Variants in BPNT1 observed in about 807,000 individuals in gnomAD.
BPNT1 encodes the protein 3'(2'),5'-bisphosphate nucleotidase 1.
BPNT1 carries 28 observed loss-of-function variants against 36.9 expected under a neutral mutation model. The ratio of observed to expected loss-of-function variants is 0.76; its 90% CI spans 0.56 to 1.04. BPNT1 has a LOEUF of 1.04. Among genes scored for constraint, BPNT1 ranks in the 50% least tolerant of loss-of-function variants. The pLI is 0.00. For synonymous variants in BPNT1, 119 were observed against 130.9 expected (o/e 0.91, Z 0.62); for missense variants, 313 against 372.9 (o/e 0.84, Z 1.32).
intron 7 of BPNT1, among the ~76,000 whole-genome samples, chr1:220,062,250 G>C (rs899510362): frequency 3.4e-5 from 5 of 148,766 alleles, no homozygotes; most frequent in African/African-American, 1.2e-4. Context: ...CCATTAACTC[G>C]TCATCTAGCA....
intron 1 of BPNT1, among the ~76,000 whole-genome samples, chr1:220,082,085 T>TATATATATATAGAGAGAGAG (rs1171093697): frequency 5.8e-5 from 6 of 103,296 alleles, no homozygotes; most frequent in African/African-American, 2.3e-4. Context: ...TATATATATA[T>TATATATATATAGAGAGAGAG]AGAGAGAGAG....
chr1:220,082,123 GTA>G (rs771087138), intron 1 of BPNT1, among the ~76,000 whole-genome samples: 256 of 134,490 alleles, frequency 1.9e-3, no homozygotes, highest in African/African-American at 6.3e-3. Flanking sequence ...GAGAGAGAGT[GTA>G]TATATATATA....
chr1:220,089,101 G>GAAAAAAAA (rs764942826), intron 1 of BPNT1, among the ~76,000 whole-genome samples: 3 of 39,150 alleles, frequency 7.7e-5, no homozygotes, highest in Non-Finnish European at 9.3e-5. Flanking sequence ...ACTCCGTCTC[G>GAAAAAAAA]AAAAAAAAAA....
chr1:220,081,575 C>T (rs955854955), intron 1 of BPNT1, among the ~76,000 whole-genome samples: 4 of 152,060 alleles, frequency 2.6e-5, no homozygotes, highest in Admixed American at 6.5e-5. Flanking sequence ...ATTCAAATCC[C>T]GAAATTTTCG....
chr1:220,076,704 A>T (rs1395275797), intron 2 of BPNT1, among the ~76,000 whole-genome samples: 2 of 144,444 alleles, frequency 1.4e-5, no homozygotes, highest in Non-Finnish European at 3.0e-5. Context: ...AAATAAATTA[A>T]TAATAATAAT....
At chr1:220,085,818 C>T (rs1244355827) in intron 1 of BPNT1, among the ~76,000 whole-genome samples, 2 of 152,188 alleles carry the variant, frequency 1.3e-5, no homozygotes. Flanking sequence ...AACCTAATAC[C>T]TATCCTTGAG....
chr1:220,073,181 G>A (rs998174234), intron 3 of BPNT1, among the ~76,000 whole-genome samples: 2 of 152,158 alleles, frequency 1.3e-5, no homozygotes, highest in African/African-American at 4.8e-5. Context: ...ACTGAAGAGA[G>A]TTTAAAAAGA....
rs764942826 is a variant in BPNT1 at position 220,089,101 on chromosome 1, GAAAAAAA to G, written c.-9+578_-9+584del. 1.4e-3 allele frequency among the ~76,000 whole-genome samples: 55 copies of G among 39,152 alleles called. 1 individual carries two copies. Among genetic ancestry groups the G allele is most frequent in the South Asian group, 1.9e-3 (2 of 1,030 alleles). The allele number at this position is 39,152 out of a possible 152,430, so 25.7% of individuals were successfully genotyped here. ...GGGCGACAGAGCGAGACTCCGTCTC[GAAAAAAA>G]AAAAAAAAAAAAAAAAAGAAGGAGG... On this transcript the variant is annotated intron_variant, in intron 1 of 8. Coordinates refer to ENST00000322067, the MANE Select transcript of BPNT1 (RefSeq NM_006085.6).
intron 1 of BPNT1, among the ~76,000 whole-genome samples, chr1:220,086,882 T>TAA (rs763947187): frequency 2.2e-4 from 30 of 138,858 alleles, no homozygotes; most frequent in African/African-American, 7.9e-4. Context: ...TTGCTAAACT[T>TAA]AAAAAAAAAA....
intron 7 of BPNT1, among the ~76,000 whole-genome samples, chr1:220,061,641 G>A (rs80243118): frequency 2.6e-5 from 4 of 152,068 alleles, no homozygotes; most frequent in Admixed American, 2.6e-4. Context: ...TGTTTGGCTG[G>A]ATCAGTTAGA....
At chr1:220,064,699 G>A (rs1663373112) in intron 6 of BPNT1, among the ~76,000 whole-genome samples, 1 of 152,176 alleles carries the variant, frequency 6.6e-6, no homozygotes, top group Non-Finnish European at 1.5e-5. Flanking sequence ...GGCAACAAAG[G>A]AGCCAAAGAA....
intron 1 of BPNT1, among the ~76,000 whole-genome samples, chr1:220,089,101 GAAAAAAAAA>G (rs764942826): frequency 5.1e-5 from 2 of 39,156 alleles, no homozygotes; most frequent in African/African-American, 1.0e-4. Context: ...ACTCCGTCTC[GAAAAAAAAA>G]AAAAAAAAAA....
At chr1:220,082,212 G>C (rs969075457) in intron 1 of BPNT1, among the ~76,000 whole-genome samples, 11 of 145,888 alleles carry the variant, frequency 7.5e-5, no homozygotes, top group Middle Eastern at 3.8e-3. Context: ...ACAGAGTCTT[G>C]CTCTGTCGCC....
chr1:220,078,562 T>TATATTATATATGATTATAATATATATA (rs370403113), intron 2 of BPNT1, among the ~76,000 whole-genome samples: 1 of 143,836 alleles, frequency 7.0e-6, no homozygotes. Context: ...TATATAAATA[T>TATATTATATATGATTATAATATATATA]AATATATATT....
At chr1:220,083,348 G>A (rs1026293266) in intron 1 of BPNT1, among the ~76,000 whole-genome samples, 1 of 148,302 alleles carries the variant, frequency 6.7e-6, no homozygotes, top group African/African-American at 2.5e-5. Context: ...TTTTTGAGAT[G>A]GAGTCTCGCT....
At chr1:220,071,950 G>A (rs139227405) in intron 4 of BPNT1, among the ~76,000 whole-genome samples, 10,404 of 152,092 alleles carry the variant, frequency 0.068, 467 homozygotes, top group South Asian at 0.12. Flanking sequence ...GCCTCCCAAA[G>A]TGCTGGGATT....
rs1558080458 is a variant in BPNT1 at position 220,064,940 on chromosome 1, TG to T, written c.475-1987del. Among the ~76,000 whole-genome samples, 4 of 152,190 alleles carry T rather than the reference TG, an allele frequency of 2.6e-5. No individual in the cohort carries two copies. In the South Asian group the frequency reaches 8.3e-4, roughly 31 times the overall value. On this transcript the variant is annotated intron_variant, in intron 6 of 8. Transcript: ENST00000322067. ...CTCTTGCCTCAGCCTCCTGAGTAGC[TG>T]GGATTATAGGTGCATGCCACCATGT...
chr1:220,074,891 G>C (rs1444273580), intron 2 of BPNT1, among the ~76,000 whole-genome samples: 2 of 152,162 alleles, frequency 1.3e-5, no homozygotes, highest in African/African-American at 4.8e-5. Flanking sequence ...CAATCAATAT[G>C]TCAGATACTC....
At chr1:220,060,259 T>A (rs1017949546) in intron 7 of BPNT1, among the ~76,000 whole-genome samples, 3 of 152,108 alleles carry the variant, frequency 2.0e-5, no homozygotes, top group Non-Finnish European at 4.4e-5. Context: ...GTGGATCACT[T>A]GCAGCCAGGA....
Sources: allele counts gnomAD v4.1 joint callset (sites outside exome capture counted in the v4.1 genomes callset), GRCh38; gene constraint gnomAD v4.1.1; transcripts MANE v1.5; gene names NCBI Gene and HGNC (gene_info 2026-07-23, HGNC 2026-07-21).